Variants in TANGO6 observed in about 807,000 individuals in gnomAD.
The protein encoded by TANGO6 is transport and golgi organization 6 homolog.
TANGO6 carries 90 observed loss-of-function variants against 114.2 expected under a neutral mutation model. The ratio of observed to expected loss-of-function variants is 0.79; its 90% CI spans 0.66 to 0.94. TANGO6 has a LOEUF of 0.94. Ranked by LOEUF, TANGO6 falls within the 40% of genes least tolerant of loss-of-function variation. TANGO6 has a pLI of 0.00. For missense variants in TANGO6, 1,274 were observed against 1,315.3 expected (o/e 0.97, Z 0.49); for synonymous variants, 477 against 509.8 (o/e 0.94, Z 0.87).
At chr16:68,950,551 C>T (rs1404343231) in intron 14 of TANGO6, among the ~76,000 whole-genome samples, 5 of 149,938 alleles carry the variant, frequency 3.3e-5, no homozygotes, top group South Asian at 2.1e-4. Flanking sequence ...GGCGACAGAG[C>T]GAGACTCTGT....
At chr16:68,971,479 T>C (rs1454613140) in intron 14 of TANGO6, among the ~76,000 whole-genome samples, 1 of 152,182 alleles carries the variant, frequency 6.6e-6, no homozygotes. Flanking sequence ...CTCCCTATGT[T>C]GCCCAGACTG....
chr16:69,019,339 G>T (rs1442129125), intron 15 of TANGO6, among the ~76,000 whole-genome samples: 1 of 152,134 alleles, frequency 6.6e-6, no homozygotes, highest in African/African-American at 2.4e-5. Context: ...TTATGTCTAG[G>T]TCATCAATGA....
chr16:68,877,764 C>T (rs1358541237), intron 5 of TANGO6, among the ~76,000 whole-genome samples: 1 of 152,006 alleles, frequency 6.6e-6, no homozygotes, highest in Non-Finnish European at 1.5e-5. Flanking sequence ...CCCGCCACCA[C>T]ACTCGGCTAA....
At chr16:68,943,165 G>A (rs1312539474) in intron 14 of TANGO6, among the ~76,000 whole-genome samples, 3 of 151,034 alleles carry the variant, frequency 2.0e-5, no homozygotes, top group East Asian at 3.9e-4. Flanking sequence ...TCTCCCAAAG[G>A]GCTGGGATTA....
At chr16:68,884,766 CAG>C (rs1194867724) in intron 7 of TANGO6, among the ~76,000 whole-genome samples, 1 of 151,898 alleles carries the variant, frequency 6.6e-6, no homozygotes, top group Non-Finnish European at 1.5e-5. Flanking sequence ...CTCTAAAAAA[CAG>C]AGAGAGATCT....
intron 14 of TANGO6, among the ~76,000 whole-genome samples, chr16:68,934,433 G>A (rs1315593566): frequency 1.3e-5 from 2 of 152,072 alleles, no homozygotes; most frequent in East Asian, 3.8e-4. Flanking sequence ...AGGTTCAAAA[G>A]CAAAAAGAGA....
intron 1 of TANGO6, among the ~76,000 whole-genome samples, chr16:68,854,946 G>A (rs1336202361): frequency 6.6e-6 from 1 of 151,644 alleles, no homozygotes; most frequent in African/African-American, 2.4e-5. Context: ...AAGGTCTGTT[G>A]AGATTCTTAT....
chr16:68,903,633 A>G (rs1326291435), intron 9 of TANGO6, among the ~76,000 whole-genome samples: 10 of 144,016 alleles, frequency 6.9e-5, no homozygotes, highest in Admixed American at 2.8e-4. Context: ...AAAAAAAAAA[A>G]AAGAAGGACC....
chr16:69,070,592 C>A (rs1451890785), intron 17 of TANGO6, among the ~76,000 whole-genome samples: 1 of 147,990 alleles, frequency 6.8e-6, no homozygotes, highest in Non-Finnish European at 1.5e-5. Context: ...AAGATCACAC[C>A]ACTACACTCC....
At chr16:69,077,423 G>C (rs533308122) in intron 17 of TANGO6, among the ~76,000 whole-genome samples, 1 of 152,016 alleles carries the variant, frequency 6.6e-6, no homozygotes. Flanking sequence ...CCAGTTGAGA[G>C]ACTAGCCAGG....
chr16:69,021,962 T>C (rs1959414707), intron 15 of TANGO6, among the ~76,000 whole-genome samples: 1 of 151,084 alleles, frequency 6.6e-6, no homozygotes, highest in African/African-American at 2.4e-5. Flanking sequence ...CTCGGCTCAC[T>C]GCAAGCTCCG....
chr16:69,032,491 C>G (rs1396316144), intron 16 of TANGO6, among the ~76,000 whole-genome samples: 1 of 151,922 alleles, frequency 6.6e-6, no homozygotes, highest in Admixed American at 6.6e-5. Context: ...TGGTCTCAAA[C>G]TCCTGAGTTC....
At chr16:68,843,788 C>G (rs1388424026) in intron 1 of TANGO6, 77 bp downstream of exon 1, 12 of 1,452,080 alleles carry the variant, frequency 8.3e-6, no homozygotes, top group Non-Finnish European at 1.2e-5. Flanking sequence ...GCCCTGCCTT[C>G]CGCAGCGTGC....
chr16:68,951,816 G>A (rs923346650), intron 14 of TANGO6, among the ~76,000 whole-genome samples: 3 of 152,008 alleles, frequency 2.0e-5, no homozygotes, highest in African/African-American at 4.8e-5. Context: ...GTTTCACCGT[G>A]TTAGCTAGGA....
intron 7 of TANGO6, among the ~76,000 whole-genome samples, chr16:68,888,742 A>G (rs1219385013): frequency 6.6e-6 from 1 of 152,234 alleles, no homozygotes; most frequent in Non-Finnish European, 1.5e-5. Context: ...GTAAATTAGA[A>G]TAATAGAATC....
rs1963054932 is a variant in TANGO6, at chr16:68,919,211, G to A, written c.2119G>A (p.Ala707Thr). The change falls in exon 12 of 18, where the codon GCT (alanine) becomes ACT (threonine). Residue 707 changes from alanine (A) to threonine (T), a missense_variant. Ala to Thr is a moderately conservative substitution (Grantham distance 58, BLOSUM62 0). This residue lies in a region of TANGO6 where 908 missense variants were observed against 910.2 expected (regional missense o/e 1.00). Transcript: ENST00000261778. ...GCTGGTGGCTGTCATGCTAGGAGGA[G>A]CTGTTCAGGTGAGTTGTAGACATGA... Reference protein sequence around the residue: ...MGLVAVMLGGAVQLKSSDFAV... With the variant: ...MGLVAVMLGGTVQLKSSDFAV... 10 of 1,612,666 alleles carry A rather than the reference G, an allele frequency of 6.2e-6. No homozygotes were observed. The Middle Eastern group carries it at 5.0e-4, about 80-fold the overall frequency.
At position 68,867,091 on chromosome 16, in the gene TANGO6, G is replaced by A; in HGVS notation, c.865G>A (p.Val289Met). 2 of 1,576,888 alleles carry A rather than the reference G, an allele frequency of 1.3e-6. No homozygotes were observed. Among genetic ancestry groups the A allele is most frequent in the Admixed American group, 3.5e-5 (2 of 57,474 alleles). Residue 289 changes from valine to methionine, a missense_variant, in exon 4 of 18, where the codon GTG (valine) becomes ATG (methionine). Val to Met is a conservative substitution (Grantham distance 21). Around this residue, in one of 5 missense-constraint regions of TANGO6, gnomAD observed 908 missense variants for 910.2 expected, o/e 1.00. Coordinates refer to ENST00000261778, the MANE Select transcript of TANGO6 (RefSeq NM_024562.2). ...TTCTTTTTCTCAGTCCTGCACAGAT[G>A]TGAAGACACAGATGAGGTGTCGGGC... ...QGGPPQSCTD[V>M]KTQMRCRAPA...
chr16:68,880,127 C>G (rs1962434416), intron 6 of TANGO6, among the ~76,000 whole-genome samples: 1 of 151,980 alleles, frequency 6.6e-6, no homozygotes, highest in South Asian at 2.1e-4. Context: ...CCTGCCCCAC[C>G]ACACCCGGCT....
chr16:69,025,867 C>G lies in TANGO6; in HGVS notation c.2994+2888C>G, dbSNP rs574240229. 12 of 234,126 alleles carry G rather than the reference C, an allele frequency of 5.1e-5. No individual in the cohort carries two copies. In the East Asian group the frequency reaches 1.2e-3, roughly 23 times the overall value. The allele number at this position is 234,126 out of a possible 1,614,324, so 14.5% of individuals were successfully genotyped here. On this transcript the variant is annotated intron_variant, in intron 16 of 17. Transcript: ENST00000261778. The stretch of plus-strand genomic sequence containing the variant: ...TTCTTGGCATAAATTTTAATTCTTT[C>G]TAGTGGAACCAAAGCCTCCTGAACC...
Sources: allele counts gnomAD v4.1 joint callset (sites outside exome capture counted in the v4.1 genomes callset), GRCh38; gene constraint gnomAD v4.1.1; regional missense constraint gnomAD v4.1.1; transcripts MANE v1.5; gene names NCBI Gene and HGNC (gene_info 2026-07-23, HGNC 2026-07-21).